The following SH3GL2 variants were observed in gnomAD, a reference collection of about 807,000 sequenced individuals.
The protein encoded by SH3GL2 is endophilin-A1.
A neutral mutation model predicts 46.0 loss-of-function variants in SH3GL2; 24 were observed. The observed-to-expected ratio is 0.52, with a 90% confidence interval of 0.38 to 0.73. SH3GL2 has a LOEUF of 0.73. SH3GL2 is among the 30% of genes least tolerant of loss of function. The pLI is 0.00. For missense variants in SH3GL2, 413 were observed against 424.2 expected, an observed-to-expected ratio of 0.97 and a Z score of 0.23; for synonymous variants, 196 against 147.1, an observed-to-expected ratio of 1.33 and a Z score of -2.40.
chr9:17,734,272 C>T (rs768922493), intron 1 of SH3GL2, among the ~76,000 whole-genome samples: 3 of 152,044 alleles, frequency 2.0e-5, no homozygotes, highest in African/African-American at 2.4e-5. Flanking sequence ...GAGGTAGAAG[C>T]ATTTTGGAAG....
Position 17,676,634 on chromosome 9 carries a change from A to C in SH3GL2, c.46-70432A>C, listed in dbSNP as rs181785069. ...CAAAGAAACAAACAAAAAGTATATC[A>C]CAAATATTGTTACATATTCTTCTTT... On this transcript the variant is annotated intron_variant, in intron 1 of 8. Transcript: ENST00000380607. Among the ~76,000 whole-genome samples the C allele has an allele frequency of 4.6e-5, 7 of 152,290 alleles. No individual in the cohort carries two copies. In the East Asian group the frequency reaches 1.2e-3, roughly 25 times the overall value.
chr9:17,654,624 G>C (rs922840117), intron 1 of SH3GL2, among the ~76,000 whole-genome samples: 4 of 152,120 alleles, frequency 2.6e-5, no homozygotes, highest in African/African-American at 9.7e-5. Flanking sequence ...ATCATGTCTA[G>C]GAGTCTTAGA....
intron 1 of SH3GL2, among the ~76,000 whole-genome samples, chr9:17,726,179 T>C (rs1822015739): frequency 6.6e-6 from 1 of 152,178 alleles, no homozygotes; most frequent in African/African-American, 2.4e-5. Flanking sequence ...AGAGAGGATC[T>C]GCTAATCTCA....
intron 1 of SH3GL2, among the ~76,000 whole-genome samples, chr9:17,702,435 G>C (rs1419555446): frequency 2.0e-5 from 3 of 146,880 alleles, no homozygotes; most frequent in African/African-American, 7.4e-5. Context: ...GAGGAGAAAT[G>C]TTGCACAGCA....
intron 1 of SH3GL2, among the ~76,000 whole-genome samples, chr9:17,701,552 A>C (rs962021755): frequency 9.9e-5 from 15 of 152,184 alleles, no homozygotes; most frequent in African/African-American, 3.6e-4. Flanking sequence ...ATATGATTGT[A>C]TACCTAGAAA....
intron 1 of SH3GL2, among the ~76,000 whole-genome samples, chr9:17,647,932 C>T (rs1819861223): frequency 6.6e-6 from 1 of 152,170 alleles, no homozygotes; most frequent in Non-Finnish European, 1.5e-5. Flanking sequence ...TCCTCTTCCA[C>T]CTCAGCCTAC....
intron 1 of SH3GL2, among the ~76,000 whole-genome samples, chr9:17,696,619 A>C (rs1393020225): frequency 6.6e-6 from 1 of 152,146 alleles, no homozygotes; most frequent in African/African-American, 2.4e-5. Context: ...AAGCCCCTTA[A>C]AAAACCATCA....
intron 1 of SH3GL2, among the ~76,000 whole-genome samples, chr9:17,671,317 A>G (rs998554794): frequency 9.2e-5 from 14 of 152,224 alleles, no homozygotes; most frequent in East Asian, 5.8e-4. Flanking sequence ...TTTTTTAAGA[A>G]GAGTTAAATA....
At chr9:17,715,857 A>G (rs1821743256) in intron 1 of SH3GL2, among the ~76,000 whole-genome samples, 1 of 152,064 alleles carries the variant, frequency 6.6e-6, no homozygotes, top group Non-Finnish European at 1.5e-5. Flanking sequence ...CCTGTAGATG[A>G]GCAAGTTCAT....
At chr9:17,690,245 T>G (rs2118122306) in intron 1 of SH3GL2, among the ~76,000 whole-genome samples, 1 of 152,256 alleles carries the variant, frequency 6.6e-6, no homozygotes, top group East Asian at 1.9e-4. Flanking sequence ...GATAAACATG[T>G]GTTTCTGCTT....
Position 17,789,391 on chromosome 9 carries a change from G to T in SH3GL2, c.466-1G>T, listed in dbSNP as rs1444257260. Reference sequence around the variant, plus strand: ...CCTATTCCTGCCCTTGACTTTTGCAGCATCATCTAAAGAAGTTGGAGGGTC... The same window carrying T: ...CCTATTCCTGCCCTTGACTTTTGCATCATCATCTAAAGAAGTTGGAGGGTC... On this transcript the variant is annotated splice_acceptor_variant, in intron 5 of 8. Coordinates refer to ENST00000380607, the MANE Select transcript of SH3GL2 (RefSeq NM_003026.5). LOFTEE classifies it high-confidence loss of function. 6.2e-7 allele frequency: 1 copy of T among 1,612,800 alleles called. No individual in the cohort carries two copies. Among genetic ancestry groups the T allele is most frequent in the Non-Finnish European group, 8.5e-7 (1 of 1,179,148 alleles).
At chr9:17,609,190 A>G (rs1404403190) in intron 1 of SH3GL2, among the ~76,000 whole-genome samples, 1 of 152,168 alleles carries the variant, frequency 6.6e-6, no homozygotes, top group Non-Finnish European at 1.5e-5. Flanking sequence ...TCATTTTTAG[A>G]TGAGGAAATA....
rs72715404 is a variant in SH3GL2 at position 17,673,015 on chromosome 9, C to T, written c.46-74051C>T. On this transcript the variant is annotated intron_variant, in intron 1 of 8. Coordinates refer to ENST00000380607, the MANE Select transcript of SH3GL2 (RefSeq NM_003026.5). ...TTGGGTAGTATTTGGCAGTATCACT[C>T]GGCTCTTTGATTTCTTGCCCTGTTA... 1.5e-3 allele frequency among the ~76,000 whole-genome samples: 221 copies of T among 152,230 alleles called. 1 individual carries two copies. The highest frequency in any genetic ancestry group is 2.3e-3 in the Admixed American group (35 of 15,292).
chr9:17,579,210 C>T lies in SH3GL2; in HGVS notation c.-33C>T. The T allele has an allele frequency of 6.6e-7, 1 of 1,518,922 alleles. No homozygotes were observed. Among genetic ancestry groups the T allele is most frequent in the Non-Finnish European group, 8.8e-7 (1 of 1,130,662 alleles). The allele number at this position is 1,518,922 out of a possible 1,614,324, so 94.1% of individuals were successfully genotyped here. ...CAGTCCCCCTCCGCCTCCTCCCTCC[C>T]GCACAGCAGCCGCCAGCGCGGCCTC... On this transcript the variant is annotated 5_prime_UTR_variant, in exon 1 of 9. Transcript: ENST00000380607.
intron 1 of SH3GL2, among the ~76,000 whole-genome samples, chr9:17,737,206 G>C (rs1394893876): frequency 2.0e-5 from 3 of 151,954 alleles, no homozygotes; most frequent in Non-Finnish European, 4.4e-5. Context: ...CTGTCAGGGG[G>C]TGGGGGGCTA....
At chr9:17,712,027 T>C (rs1255963107) in intron 1 of SH3GL2, among the ~76,000 whole-genome samples, 2 of 151,810 alleles carry the variant, frequency 1.3e-5, no homozygotes, top group Non-Finnish European at 2.9e-5. Flanking sequence ...CAGTGGTATG[T>C]AGTTGTAGTT....
chr9:17,623,000 C>CCTTTCCTTTT (rs1563786460), intron 1 of SH3GL2, among the ~76,000 whole-genome samples: 1 of 89,310 alleles, frequency 1.1e-5, no homozygotes, highest in Non-Finnish European at 2.4e-5. Context: ...CCTTTCCTTT[C>CCTTTCCTTTT]CTTTCCTTTC....
chr9:17,591,542 A>G (rs1008576710), intron 1 of SH3GL2, among the ~76,000 whole-genome samples: 2 of 152,210 alleles, frequency 1.3e-5, no homozygotes, highest in Non-Finnish European at 2.9e-5. Flanking sequence ...TTTAATCAGT[A>G]GTAGAAGGGT....
At chr9:17,744,379 T>C (rs900484083) in intron 1 of SH3GL2, among the ~76,000 whole-genome samples, 2 of 152,048 alleles carry the variant, frequency 1.3e-5, no homozygotes, top group South Asian at 4.2e-4. Flanking sequence ...ATTTTTTTTT[T>C]TTTTTGAGTC....
Sources: allele counts gnomAD v4.1 joint callset (sites outside exome capture counted in the v4.1 genomes callset), GRCh38; gene constraint gnomAD v4.1.1; transcripts MANE v1.5; gene names NCBI Gene and HGNC (gene_info 2026-07-23, HGNC 2026-07-21).